Variants in DMD observed in about 807,000 individuals in gnomAD.
The protein encoded by DMD is dystrophin.
In DMD, 63 loss-of-function variants were observed where a neutral mutation model predicts 330.1. That is an observed-to-expected ratio of 0.19 (90% CI 0.16 to 0.24). DMD has a LOEUF of 0.24. Among genes scored for constraint, DMD ranks in the 10% least tolerant of loss-of-function variants. The pLI is 1.00. For missense variants in DMD, 3,344 were observed against 2,684.1 expected (o/e 1.25, Z -5.43); for synonymous variants, 1,223 against 959.8 (o/e 1.27, Z -5.07).
chrX:32,279,419 A>G (rs140289301), intron 43 of DMD, among the ~76,000 whole-genome samples: 7 of 111,819 alleles, frequency 6.3e-5, no homozygotes, highest in Admixed American at 3.8e-4. Flanking sequence ...CTGAGCGTCC[A>G]TCAAGAGATG....
At chrX:32,730,142 G>A (rs1382270477) in intron 7 of DMD, among the ~76,000 whole-genome samples, 2 of 111,288 alleles carry the variant, frequency 1.8e-5, no homozygotes, top group African/African-American at 6.5e-5. Context: ...AGACCAACCG[G>A]GGCAATGAAG....
intron 27 of DMD, among the ~76,000 whole-genome samples, chrX:32,442,212 A>C (rs905080614): frequency 1.8e-5 from 2 of 110,867 alleles, no homozygotes; most frequent in Non-Finnish European, 3.8e-5. Flanking sequence ...AGGACCTTCT[A>C]TTCATCAAAG....
chrX:31,419,864 G>C (rs1383024703), intron 60 of DMD, among the ~76,000 whole-genome samples: 1 of 112,003 alleles, frequency 8.9e-6, no homozygotes, highest in Non-Finnish European at 1.9e-5. Context: ...TGCCAGGACA[G>C]ATAGGATGTA....
intron 1 of DMD, among the ~76,000 whole-genome samples, chrX:33,122,986 A>T (rs1292108289): frequency 8.9e-6 from 1 of 112,487 alleles, no homozygotes; most frequent in African/African-American, 3.2e-5. Context: ...GTCAATGATA[A>T]ACTGCATATA....
intron 44 of DMD, among the ~76,000 whole-genome samples, chrX:32,104,077 G>A (rs896434960): frequency 9.0e-6 from 1 of 111,152 alleles, no homozygotes; most frequent in Non-Finnish European, 1.9e-5. Context: ...AACAACTGAG[G>A]AGGCAGAGAC....
intron 48 of DMD, among the ~76,000 whole-genome samples, chrX:31,873,653 C>A (rs747773027): frequency 8.9e-6 from 1 of 111,944 alleles, no homozygotes; most frequent in African/African-American, 3.2e-5. Context: ...TTCAACGATT[C>A]GGTTTATTTG....
chrX:31,369,805 C>T (rs1032814228), intron 60 of DMD, among the ~76,000 whole-genome samples: 5 of 111,182 alleles, frequency 4.5e-5, no homozygotes, highest in African/African-American at 1.6e-4. Context: ...CATCCATATG[C>T]AAAAAATAAA....
At chrX:31,706,161 A>AAG (rs1556831205) in intron 52 of DMD, among the ~76,000 whole-genome samples, 1 of 109,650 alleles carries the variant, frequency 9.1e-6, no homozygotes, top group African/African-American at 3.3e-5. Context: ...AAAAAAAAAA[A>AAG]AAGCAAAACC....
intron 50 of DMD, among the ~76,000 whole-genome samples, chrX:31,795,261 G>A (rs957843469): frequency 8.9e-6 from 1 of 112,216 alleles, no homozygotes; most frequent in Non-Finnish European, 1.9e-5. Flanking sequence ...ACCAGCTTAT[G>A]AAACCATTCT....
intron 30 of DMD, 71 bp from the exon 31 acceptor site, chrX:32,390,252 T>C: frequency 1.3e-6 from 1 of 792,473 alleles, no homozygotes; most frequent in Non-Finnish European, 1.9e-6. Context: ...AAGACGAAAT[T>C]CAGAAACTCT....
chrX:33,319,657 C>T (rs917638606), intron 1 of DMD, among the ~76,000 whole-genome samples: 21 of 112,058 alleles, frequency 1.9e-4, no homozygotes, highest in African/African-American at 6.2e-4. Context: ...TTACTATCAT[C>T]GTCATAGACA....
intron 9 of DMD, among the ~76,000 whole-genome samples, chrX:32,691,255 C>T (rs982010293): frequency 9.2e-6 from 1 of 109,151 alleles, no homozygotes; most frequent in African/African-American, 3.3e-5. Flanking sequence ...GACCTGAAGA[C>T]CTTATATTAT....
intron 55 of DMD, among the ~76,000 whole-genome samples, chrX:31,593,648 G>A (rs1410425957): frequency 9.1e-6 from 1 of 110,380 alleles, no homozygotes; most frequent in Non-Finnish European, 1.9e-5. Flanking sequence ...CTTTTTCCTC[G>A]ACTTTATAGA....
intron 47 of DMD, among the ~76,000 whole-genome samples, chrX:31,891,273 C>T (rs2094245565): frequency 9.0e-6 from 1 of 110,955 alleles, no homozygotes; most frequent in African/African-American, 3.3e-5. Flanking sequence ...TCTCTTCCTG[C>T]TGGCCAGAAG....
At chrX:33,248,262 C>T (rs1216772451) in intron 1 of DMD, among the ~76,000 whole-genome samples, 5 of 111,195 alleles carry the variant, frequency 4.5e-5, no homozygotes, top group East Asian at 2.8e-4. Context: ...AGGATGGTCT[C>T]GATCTCCTGA....
At chrX:32,755,713 C>A (rs1316657594) in intron 7 of DMD, among the ~76,000 whole-genome samples, 1 of 111,874 alleles carries the variant, frequency 8.9e-6, no homozygotes, top group Non-Finnish European at 1.9e-5. Flanking sequence ...CATGTTTTTT[C>A]CTTAGCACTA....
chrX:31,297,026 T>C (rs1275751791), intron 62 of DMD, among the ~76,000 whole-genome samples: 2 of 111,752 alleles, frequency 1.8e-5, no homozygotes, highest in Non-Finnish European at 3.8e-5. Context: ...TATTTAATTT[T>C]ACAATTGTGT....
intron 2 of DMD, among the ~76,000 whole-genome samples, chrX:32,913,500 T>C (rs1419701349): frequency 8.9e-6 from 1 of 112,277 alleles, no homozygotes; most frequent in Non-Finnish European, 1.9e-5. Context: ...ATACCAGGTA[T>C]GAAACATTCA....
intron 7 of DMD, among the ~76,000 whole-genome samples, chrX:32,741,848 T>C (rs1020868199): frequency 1.8e-5 from 2 of 112,101 alleles, no homozygotes; most frequent in African/African-American, 3.2e-5. Flanking sequence ...ATTTTAAACA[T>C]GACTAGCCTA....
Sources: allele counts gnomAD v4.1 joint callset (sites outside exome capture counted in the v4.1 genomes callset), GRCh38; gene constraint gnomAD v4.1.1; transcripts MANE v1.5; gene names NCBI Gene and HGNC (gene_info 2026-07-23, HGNC 2026-07-21).